ADAT2: variants seen among roughly 807,000 people sequenced by gnomAD.
ADAT2 encodes the protein tRNA-specific adenosine-34 deaminase catalytic subunit ADAT2.
ADAT2 carries 26 observed loss-of-function variants against 25.9 expected under a neutral mutation model. The observed-to-expected ratio is 1.00, with a 90% confidence interval of 0.74 to 1.39. The LOEUF (loss-of-function observed/expected upper bound fraction) is 1.39. ADAT2 is among the 40% of genes most tolerant of loss of function. The pLI is 0.00. For synonymous variants in ADAT2, 76 were observed against 86.8 expected (o/e 0.88, Z 0.69); for missense variants, 220 against 244.8 (o/e 0.90, Z 0.68).
chr6:143,450,047 T>G (rs1779717825), intron 1 of ADAT2: 1 of 152,738 alleles, frequency 6.5e-6, no homozygotes, highest in African/African-American at 2.4e-5. Context: ...CACACAGCAT[T>G]CTGTTGAAAG....
intron 3 of ADAT2, 78 bp downstream of exon 3, chr6:143,433,753 G>T: frequency 7.2e-7 from 1 of 1,393,254 alleles, no homozygotes; most frequent in Non-Finnish European, 9.5e-7. Context: ...TCATATTTTG[G>T]AAAACAGGCT....
At position 143,428,695 on chromosome 6, in the gene ADAT2, G is replaced by C; in HGVS notation, c.460-11C>G. ...ATATCCAGGGATACACTGATGGAAT[G>C]AGAAAGTTGAGAATAAACATAGGCC... On this transcript the variant is annotated splice_polypyrimidine_tract_variant and intron_variant, in intron 4 of 5. Coordinates refer to ENST00000237283, the MANE Select transcript of ADAT2 (RefSeq NM_182503.3). The surrounding 1 kb of genome is among the most constrained non-coding windows in gnomAD (Gnocchi z 5.0). 1 of 1,612,918 alleles carries C rather than the reference G, an allele frequency of 6.2e-7. No individual in the cohort carries two copies. The highest frequency in any genetic ancestry group is 8.5e-7 in the Non-Finnish European group (1 of 1,179,260).
At chr6:143,429,081 G>A (rs1267720689) in intron 4 of ADAT2, among the ~76,000 whole-genome samples, 4 of 152,208 alleles carry the variant, frequency 2.6e-5, no homozygotes, top group African/African-American at 9.7e-5. Flanking sequence ...CACATCATAA[G>A]TGCTCATTAA....
Position 143,436,533 on chromosome 6 carries a change from C to A in ADAT2, c.201+2057G>T. ...GAGACGTCTCAGAGCAGTTCACAGC[C>A]ATGTTCAGGTGCAAGGCCTTCCTGC... is the stretch of plus-strand genomic sequence containing the variant. On this transcript the variant is annotated intron_variant, in intron 2 of 5. Transcript: ENST00000237283. The surrounding 1 kb of genome is among the most constrained non-coding windows in gnomAD (Gnocchi z 4.1). 2.6e-6 allele frequency: 1 copy of A among 381,708 alleles called. No individual in the cohort carries two copies. The allele number at this position is 381,708 out of a possible 1,614,324, so 23.6% of individuals were successfully genotyped here.
In ADAT2 at chr6:143,450,626, T is replaced by C. The variant is rs766338927; in HGVS notation, c.33A>G (p.Ala11=). 4.3e-5 allele frequency: 69 copies of C among 1,613,862 alleles called. 2 individuals are homozygous for C. In the South Asian group the frequency reaches 7.0e-4, roughly 16 times the overall value. ...CTGCCGACACCGAGCACGCGCCGCT[T>C]GCAGCTGGCTTGGGTGCCGCCTTCG... The part of the protein sequence containing the change: MEAKAAPKPA[A]SGACSVSAEE... The change falls in exon 1 of 6, where the codon GCA becomes GCG. Residue 11 remains alanine, a synonymous_variant. Coordinates refer to ENST00000237283, the MANE Select transcript of ADAT2 (RefSeq NM_182503.3).
intron 1 of ADAT2, among the ~76,000 whole-genome samples, chr6:143,441,066 G>C (rs566118724): frequency 5.9e-5 from 9 of 152,270 alleles, no homozygotes; most frequent in Admixed American, 2.6e-4. Context: ...GAAAAGGCAG[G>C]CTTCCAGAAG....
Position 143,423,125 on chromosome 6 carries a change from G to C in ADAT2, c.*5338C>G, listed in dbSNP as rs187261459. 1.7e-4 allele frequency: 26 copies of C among 152,272 alleles called. No individual in the cohort carries two copies. The highest frequency in any genetic ancestry group is 1.2e-3 in the Admixed American group (18 of 15,304). The allele number at this position is 152,272 out of a possible 1,614,324, so 9.4% of individuals were successfully genotyped here. ...CAATCTCAGCCTTTTACCTACTCTA[G>C]ACCAGGGGCAGCTAACATTTTCTCG... On this transcript the variant is annotated 3_prime_UTR_variant, in exon 6 of 6. Transcript: ENST00000237283.
At position 143,442,417 on chromosome 6, in the gene ADAT2, G is replaced by GA. The variant is rs1475117518; in HGVS notation, c.97-3724dup. Among the ~76,000 whole-genome samples the GA allele has an allele frequency of 1.3e-5, 2 of 151,828 alleles. No homozygotes were observed. The highest frequency in any genetic ancestry group is 4.8e-5 in the African/African-American group (2 of 41,298). On this transcript the variant is annotated intron_variant, in intron 1 of 5. Coordinates refer to ENST00000237283, the MANE Select transcript of ADAT2 (RefSeq NM_182503.3). This position sits in a 1 kb window ranked among gnomAD's most constrained non-coding sequence, Gnocchi z 4.6. ...TAGCACAAGGGAGCCATGTGGTAGT[G>GA]AAACAGTTCCAGTGGTGGTTATACA...
rs1444210456 is a variant in ADAT2, at chr6:143,426,918, G to A, written c.*1545C>T. 1 of 151,824 alleles carries A rather than the reference G, an allele frequency of 6.6e-6. No homozygotes were observed. Among genetic ancestry groups the A allele is most frequent in the Non-Finnish European group, 1.5e-5 (1 of 68,006 alleles). 9.4% of individuals were successfully genotyped at this position (151,824 alleles called of 1,614,324 possible). On this transcript the variant is annotated 3_prime_UTR_variant, in exon 6 of 6. Transcript: ENST00000237283. This position sits in a 1 kb window ranked among gnomAD's most constrained non-coding sequence, Gnocchi z 4.1. The stretch of plus-strand genomic sequence containing the variant: ...ATAAATGCAATGAAATCTGCTTGCA[G>A]GAAAGCATAAGAAGCCAGAAATGAA...
chr6:143,431,417 A>AAGAG (rs1232698111), intron 4 of ADAT2, among the ~76,000 whole-genome samples: 1 of 152,242 alleles, frequency 6.6e-6, no homozygotes, highest in East Asian at 1.9e-4. Context: ...GGAGTCAGCA[A>AAGAG]TTCATTTGCA....
chr6:143,438,744 G>C, intron 1 of ADAT2, 50 bp from the exon 2 acceptor site: 2 of 1,435,222 alleles, frequency 1.4e-6, no homozygotes, highest in Non-Finnish European at 2.0e-6. Context: ...TACTTGAAGA[G>C]AGTATAGGAG....
chr6:143,439,524 A>C (rs1412833117), intron 1 of ADAT2, among the ~76,000 whole-genome samples: 2 of 152,194 alleles, frequency 1.3e-5, no homozygotes, highest in African/African-American at 4.8e-5. Flanking sequence ...GGAACTACTG[A>C]TACTGTGACA....
Position 143,440,600 on chromosome 6 carries a change from G to T in ADAT2, c.97-1906C>A, listed in dbSNP as rs926915582. Among the ~76,000 whole-genome samples the T allele has an allele frequency of 1.3e-5, 2 of 152,142 alleles. No homozygotes were observed. Among genetic ancestry groups the T allele is most frequent in the Non-Finnish European group, 2.9e-5 (2 of 68,022 alleles). On this transcript the variant is annotated intron_variant, in intron 1 of 5. Transcript: ENST00000237283. The surrounding 1 kb of genome is among the most constrained non-coding windows in gnomAD (Gnocchi z 4.5). ...CTATTTTATGAACTATCCACAGGCCGGTTGTGTCCCAGTTCTGTGACAGTG... is the reference window on the plus strand; with the variant it reads ...CTATTTTATGAACTATCCACAGGCCTGTTGTGTCCCAGTTCTGTGACAGTG...
Position 143,438,576 on chromosome 6 carries a change from C to T in ADAT2, c.201+14G>A. On this transcript the variant is annotated intron_variant, in intron 2 of 5. Coordinates refer to ENST00000237283, the MANE Select transcript of ADAT2 (RefSeq NM_182503.3). ...CTACTGTATGTTTGCAATTATACTG[C>T]TCAACTCACATACATTTTTGGTTTG... 2 of 1,587,294 alleles carry T rather than the reference C, an allele frequency of 1.3e-6. No individual in the cohort carries two copies. The highest frequency in any genetic ancestry group is 1.7e-6 in the Non-Finnish European group (2 of 1,156,056).
At chr6:143,433,578 A>G (rs1779178957) in intron 3 of ADAT2, among the ~76,000 whole-genome samples, 1 of 152,234 alleles carries the variant, frequency 6.6e-6, no homozygotes, top group Admixed American at 6.5e-5. Context: ...ACCTTTATAT[A>G]ACTGTTTAAG....
Position 143,428,258 on chromosome 6 carries a change from C to G in ADAT2, c.*205G>C. On this transcript the variant is annotated 3_prime_UTR_variant, in exon 6 of 6. Coordinates refer to ENST00000237283, the MANE Select transcript of ADAT2 (RefSeq NM_182503.3). The surrounding 1 kb of genome is among the most constrained non-coding windows in gnomAD (Gnocchi z 5.0). ...CCCATCTTAAAATGGGAATCAGCTT[C>G]TGGAAAAGCTAATAACTGTTTACAA... The G allele has an allele frequency of 1.7e-6, 1 of 605,354 alleles. No homozygotes were observed. The highest frequency in any genetic ancestry group is 2.8e-6 in the Non-Finnish European group (1 of 350,936). The allele number at this position is 605,354 out of a possible 1,614,324, so 37.5% of individuals were successfully genotyped here. A position where few individuals can be genotyped will look rare whatever the true frequency, so the allele number is the denominator to read the frequency against.
At position 143,446,419 on chromosome 6, in the gene ADAT2, T is replaced by TA; in HGVS notation, c.96+4143dup. Reference sequence around the variant, plus strand: ...CAAATTCTTCACTATTATAAACAAGTAAAGAACTTCTCTATATAAATATTT... The same window carrying TA: ...CAAATTCTTCACTATTATAAACAAGTAAAAGAACTTCTCTATATAAATATTT... On this transcript the variant is annotated intron_variant, in intron 1 of 5. Transcript: ENST00000237283. This position sits in a 1 kb window ranked among gnomAD's most constrained non-coding sequence, Gnocchi z 5.0. Among the ~76,000 whole-genome samples the TA allele has an allele frequency of 6.6e-6, 1 of 152,156 alleles. No individual in the cohort carries two copies. Among genetic ancestry groups the TA allele is most frequent in the East Asian group, 1.9e-4 (1 of 5,198 alleles).
rs976584105 is a variant in ADAT2 at position 143,442,165 on chromosome 6, T to C, written c.97-3471A>G. 2.6e-5 allele frequency among the ~76,000 whole-genome samples: 4 copies of C among 152,198 alleles called. No homozygotes were observed. Among genetic ancestry groups the C allele is most frequent in the African/African-American group, 9.7e-5 (4 of 41,448 alleles). ...AAACTGGAAACAACTCAAATGCCCT[T>C]CAGTGGGTGAACTGCTAAACAAACT... On this transcript the variant is annotated intron_variant, in intron 1 of 5. Transcript: ENST00000237283. The surrounding 1 kb of genome is among the most constrained non-coding windows in gnomAD (Gnocchi z 4.6).
rs1779546657 is a variant in ADAT2, at chr6:143,444,581, A to T, written c.97-5887T>A. ...AAAAGCTCAGGCAAAATGGGTCTGA[A>T]ATTTGTGCAGGTAGCTTTGAATTTA... On this transcript the variant is annotated intron_variant, in intron 1 of 5. Coordinates refer to ENST00000237283, the MANE Select transcript of ADAT2 (RefSeq NM_182503.3). The surrounding 1 kb of genome is among the most constrained non-coding windows in gnomAD (Gnocchi z 4.3). 1 of 154,776 alleles carries T rather than the reference A, an allele frequency of 6.5e-6. No individual in the cohort carries two copies. The highest frequency in any genetic ancestry group is 1.4e-5 in the Non-Finnish European group (1 of 69,848). The allele number at this position is 154,776 out of a possible 1,614,324, so 9.6% of individuals were successfully genotyped here. A position where few individuals can be genotyped will look rare whatever the true frequency, so the allele number is the denominator to read the frequency against.
Sources: gnomAD v4.1 joint callset for allele counts (sites outside exome capture counted in the v4.1 genomes callset) on GRCh38, gnomAD v4.1.1 for gene constraint, Gnocchi (gnomAD v3.1) non-coding constraint, MANE v1.5 for transcripts, NCBI Gene and HGNC (gene_info 2026-07-23, HGNC 2026-07-21) for gene names.